Variants in TULP4 observed in about 807,000 individuals in gnomAD.
TULP4 encodes the protein TUB like protein 4.
A neutral mutation model predicts 129.0 loss-of-function variants in TULP4; 16 were observed. That is an observed-to-expected ratio of 0.12 (90% confidence interval 0.08 to 0.19). The LOEUF is 0.19. TULP4 is among the 10% of genes least tolerant of loss of function. TULP4 has a pLI of 1.00. For missense variants in TULP4, 1,842 were observed against 2,059.1 expected (o/e 0.89, Z 2.04); for synonymous variants, 998 against 854.0 (o/e 1.17, Z -2.94).
intron 5 of TULP4, among the ~76,000 whole-genome samples, chr6:158,453,943 A>G (rs1479476502): frequency 6.8e-6 from 1 of 147,622 alleles, no homozygotes; most frequent in Non-Finnish European, 1.5e-5. Flanking sequence ...ACAGAGGGAG[A>G]CTCCGTCTCA....
intron 1 of TULP4, among the ~76,000 whole-genome samples, chr6:158,395,961 G>A (rs1014196176): frequency 1.3e-5 from 2 of 152,040 alleles, no homozygotes; most frequent in Non-Finnish European, 2.9e-5. Context: ...ATACGATGTC[G>A]AGTGAGTTAG....
In TULP4 at chr6:158,312,510, A is replaced by G. The variant is rs923133662; in HGVS notation, c.-1507A>G. The G allele has an allele frequency of 6.0e-5, 10 of 167,952 alleles. No individual in the cohort carries two copies. Among genetic ancestry groups the G allele is most frequent in the African/African-American group, 2.1e-4 (9 of 42,144 alleles). The allele number at this position is 167,952 out of a possible 1,614,324, so 10.4% of individuals were successfully genotyped here. ...CAGTGTTTGTTGCACTTTATTTTTCAGTGGGTTTGGTGATTTGGACGGATT... is the reference window on the plus strand; with the variant it reads ...CAGTGTTTGTTGCACTTTATTTTTCGGTGGGTTTGGTGATTTGGACGGATT... On this transcript the variant is annotated 5_prime_UTR_variant, in exon 1 of 14. Coordinates refer to ENST00000367097, the MANE Select transcript of TULP4 (RefSeq NM_020245.5).
upstream of TULP4, among the ~76,000 whole-genome samples, chr6:158,279,031 C>T (rs1778698423): frequency 1.3e-5 from 2 of 149,622 alleles, no homozygotes; most frequent in African/African-American, 4.9e-5. Context: ...GCTCCGCCTC[C>T]TGGGTTCACG....
chr6:158,344,577 G>A (rs1780259246), intron 1 of TULP4, among the ~76,000 whole-genome samples: 1 of 152,054 alleles, frequency 6.6e-6, no homozygotes, highest in Non-Finnish European at 1.5e-5. Flanking sequence ...TGTTGTAATT[G>A]TTTCAGGGTG....
At chr6:158,415,687 A>T (rs1379343858) in intron 2 of TULP4, among the ~76,000 whole-genome samples, 1 of 151,916 alleles carries the variant, frequency 6.6e-6, no homozygotes, top group Non-Finnish European at 1.5e-5. Flanking sequence ...AAAAAAAAAA[A>T]AGTTAGCAGT....
chr6:158,435,440 G>T (rs1236657745), intron 3 of TULP4, among the ~76,000 whole-genome samples: 1 of 152,058 alleles, frequency 6.6e-6, no homozygotes, highest in Non-Finnish European at 1.5e-5. Context: ...GCACATCCAG[G>T]CACGTCCTTT....
intron 1 of TULP4, among the ~76,000 whole-genome samples, chr6:158,393,796 C>T (rs548729779): frequency 6.4e-4 from 97 of 152,312 alleles, no homozygotes; most frequent in African/African-American, 1.8e-3. Context: ...TGTGATAGGA[C>T]GGGCTGCAGG....
upstream of TULP4, among the ~76,000 whole-genome samples, chr6:158,279,960 C>T (rs1304873867): frequency 6.6e-6 from 1 of 152,172 alleles, no homozygotes; most frequent in Admixed American, 6.5e-5. Context: ...CGCGGCTAAA[C>T]GTGTGCCACT....
At position 158,479,930 on chromosome 6, in the gene TULP4, C is replaced by G. The variant is rs199820718; in HGVS notation, c.1206C>G (p.Pro402=). 22 of 1,611,018 alleles carry G rather than the reference C, an allele frequency of 1.4e-5. 2 individuals are homozygous for G. The highest frequency in any genetic ancestry group is 1.8e-4 in the Middle Eastern group (1 of 5,662). The part of the protein sequence containing the change: ...DKDVSKLTLP[P]RLCSYLSTAF... Reference sequence around the variant, plus strand: ...ACGTCAGCAAGCTGACTCTGCCCCCCCGCCTCTGCTCCTACCTCTCCACTG... The same window carrying G: ...ACGTCAGCAAGCTGACTCTGCCCCCGCGCCTCTGCTCCTACCTCTCCACTG... The change falls in exon 7 of 14, where the codon CCC becomes CCG. Residue 402 remains proline (P), a synonymous_variant. Transcript: ENST00000367097.
chr6:158,277,267 G>T (rs1778664386), upstream of TULP4, among the ~76,000 whole-genome samples: 1 of 152,216 alleles, frequency 6.6e-6, no homozygotes, highest in African/African-American at 2.4e-5. Flanking sequence ...TGCTAGGTCT[G>T]TCTCTTGGTC....
rs138201740 is a variant in TULP4, at chr6:158,502,368, G to A, written c.2705G>A (p.Arg902Gln). 2.0e-5 allele frequency: 32 copies of A among 1,613,620 alleles called. No individual in the cohort carries two copies. The highest frequency in any genetic ancestry group is 1.6e-4 in the Middle Eastern group (1 of 6,080). Residue 902 changes from arginine (R) to glutamine (Q), a missense_variant, in exon 13 of 14, where the codon CGG becomes CAG. Coordinates refer to ENST00000367097, the MANE Select transcript of TULP4 (RefSeq NM_020245.5). ...DSSGNVEEVCRPRTRMLCSQN... is the reference protein window; with the variant it reads ...DSSGNVEEVCQPRTRMLCSQN... Reference sequence around the variant, plus strand: ...AGTGGCAACGTGGAGGAGGTGTGCCGGCCCCGCACCCGGATGCTGTGCTCC... The same window carrying A: ...AGTGGCAACGTGGAGGAGGTGTGCCAGCCCCGCACCCGGATGCTGTGCTCC...
At chr6:158,309,057 G>A (rs1779282063), upstream of TULP4, among the ~76,000 whole-genome samples, 1 of 137,022 alleles carries the variant, frequency 7.3e-6, no homozygotes, top group African/African-American at 2.7e-5. Flanking sequence ...TCCCGGACGG[G>A]GTGGCTGCCG....
Position 158,451,570 on chromosome 6 carries a change from A to T in TULP4, c.725-564A>T, listed in dbSNP as rs145687691. Among the ~76,000 whole-genome samples, 388 of 152,298 alleles carry T rather than the reference A, an allele frequency of 2.5e-3. 4 individuals are homozygous for T. The highest frequency in any genetic ancestry group is 9.0e-3 in the African/African-American group (373 of 41,560). The stretch of plus-strand genomic sequence containing the variant: ...GAGGCTCCAGAGCAGGGTTTTCCTT[A>T]TGCCGGCTGTGCTCCGCAGGTGCAG... On this transcript the variant is annotated intron_variant, in intron 4 of 13. Transcript: ENST00000367097.
intron 1 of TULP4, among the ~76,000 whole-genome samples, chr6:158,303,536 G>A (rs1215052840): frequency 2.0e-5 from 3 of 152,092 alleles, no homozygotes; most frequent in Admixed American, 6.5e-5. Context: ...ACGACAAAGG[G>A]CAAAAGCAGA....
chr6:158,281,525 G>A (rs1350141897), upstream of TULP4, among the ~76,000 whole-genome samples: 2 of 152,186 alleles, frequency 1.3e-5, no homozygotes, highest in African/African-American at 4.8e-5. Flanking sequence ...TAGCCAGAAG[G>A]GTTGATGGGG....
At chr6:158,412,261 C>T (rs1042978500) in intron 1 of TULP4, among the ~76,000 whole-genome samples, 1 of 152,186 alleles carries the variant, frequency 6.6e-6, no homozygotes, top group Non-Finnish European at 1.5e-5. Flanking sequence ...CCTCAGGGAA[C>T]ATTCTCCAGG....
chr6:158,302,548 C>A (rs549976446), intron 1 of TULP4, among the ~76,000 whole-genome samples: 1 of 152,224 alleles, frequency 6.6e-6, no homozygotes, highest in South Asian at 2.1e-4. Flanking sequence ...AACTGTTTAG[C>A]AACCAATTGA....
In TULP4 at chr6:158,237,849, C is replaced by T. The variant is rs954594870; in HGVS notation, n.68+5546C>T. 9 of 754,174 alleles carry T rather than the reference C, an allele frequency of 1.2e-5. No individual in the cohort carries two copies. The African/African-American group carries it at 1.2e-4, about 10-fold the overall frequency. 46.7% of individuals were successfully genotyped at this position (754,174 alleles called of 1,614,324 possible). On this transcript the variant is annotated intron_variant and non_coding_transcript_variant, in intron 1 of 1. Transcript: ENST00000620026. ...AATGTTTACTAAGAGCTGTGCCTTT[C>T]TCTGGATCTGCAAGTGAGTAAGCAG... is the stretch of plus-strand genomic sequence containing the variant.
intron 2 of TULP4, among the ~76,000 whole-genome samples, chr6:158,420,272 T>C (rs1010312804): frequency 4.6e-5 from 7 of 152,226 alleles, no homozygotes; most frequent in African/African-American, 1.4e-4. Context: ...TCTCAACCAC[T>C]TAAAACCATT....
Sources: allele counts gnomAD v4.1 joint callset (sites outside exome capture counted in the v4.1 genomes callset), GRCh38; gene constraint gnomAD v4.1.1; transcripts MANE v1.5; gene names NCBI Gene and HGNC (gene_info 2026-07-23, HGNC 2026-07-21).